Variants in PCDHA8 observed in about 807,000 individuals in gnomAD.
PCDHA8 encodes the protein protocadherin alpha 8.
PCDHA8 carries 53 observed loss-of-function variants against 61.8 expected under a neutral mutation model. The observed-to-expected ratio is 0.86, with a 90% confidence interval of 0.69 to 1.08. The LOEUF is 1.08. Ranked by LOEUF, PCDHA8 falls within the 50% of genes least tolerant of loss-of-function variation. The probability of loss-of-function intolerance (pLI) is 0.00; values close to 1 mark genes in which losing one functional copy is unlikely to be tolerated. For missense variants in PCDHA8, 1,293 were observed against 1,245.0 expected, an observed-to-expected ratio of 1.04 and a Z score of -0.58; for synonymous variants, 618 against 556.6, an observed-to-expected ratio of 1.11 and a Z score of -1.55.
chr5:140,861,578 C>A (rs1425852721), intron 1 of PCDHA8: 2 of 361,296 alleles, frequency 5.5e-6, no homozygotes, highest in Non-Finnish European at 1.1e-5. Flanking sequence ...TACAGGTTTT[C>A]CATGTGGAGG....
intron 1 of PCDHA8, chr5:140,967,964 G>T: frequency 6.2e-7 from 1 of 1,614,210 alleles, no homozygotes. Flanking sequence ...CAACCGGAAA[G>T]TGAGCCTGGG....
intron 1 of PCDHA8, among the ~76,000 whole-genome samples, chr5:140,946,700 G>T (rs2094011625): frequency 6.7e-6 from 1 of 148,322 alleles, no homozygotes; most frequent in African/African-American, 2.5e-5. Flanking sequence ...GGATGAATCT[G>T]GAGGTCATTA....
intron 1 of PCDHA8, among the ~76,000 whole-genome samples, chr5:140,891,046 C>T (rs576145840): frequency 6.6e-6 from 1 of 152,270 alleles, no homozygotes; most frequent in African/African-American, 2.4e-5. Context: ...GTGACCCCCA[C>T]AGCACATAGT....
At chr5:141,009,104 T>G (rs2098399543) in intron 3 of PCDHA8, among the ~76,000 whole-genome samples, 1 of 152,220 alleles carries the variant, frequency 6.6e-6, no homozygotes, top group Non-Finnish European at 1.5e-5. Flanking sequence ...CATATGTTAC[T>G]ATGAAACTAG....
chr5:140,845,818 A>T (rs1554141021), intron 1 of PCDHA8, among the ~76,000 whole-genome samples: 2 of 149,728 alleles, frequency 1.3e-5, no homozygotes, highest in Admixed American at 1.3e-4. Flanking sequence ...ACATAATAAA[A>T]TTTAGTTATT....
intron 1 of PCDHA8, chr5:140,851,030 T>G (rs1462203945): frequency 1.4e-6 from 2 of 1,410,502 alleles, no homozygotes; most frequent in Non-Finnish European, 1.9e-6. Context: ...AGTAAACCCC[T>G]TAACATTGGA....
At chr5:140,877,921 T>C (rs2153357057) in intron 1 of PCDHA8, 1 of 1,422,868 alleles carries the variant, frequency 7.0e-7, no homozygotes, top group South Asian at 1.6e-5. Context: ...CTCATTTTTC[T>C]TTATGATTCT....
At chr5:140,868,380 G>T (rs2050428157) in intron 1 of PCDHA8, 1 of 152,028 alleles carries the variant, frequency 6.6e-6, no homozygotes, top group South Asian at 2.1e-4. Context: ...AGTAAAGAAT[G>T]AGAACTATAG....
intron 1 of PCDHA8, among the ~76,000 whole-genome samples, chr5:140,845,293 T>A (rs1779796501): frequency 6.7e-6 from 1 of 149,672 alleles, no homozygotes; most frequent in African/African-American, 2.4e-5. Flanking sequence ...CTATCCTGTC[T>A]ATGTCTACCT....
chr5:140,884,113 G>T (rs782579609), intron 1 of PCDHA8: 15 of 1,613,390 alleles, frequency 9.3e-6, no homozygotes, highest in Admixed American at 3.3e-5. Context: ...AGCTGGCGGC[G>T]GTCGGCGCGC....
At chr5:140,960,267 C>T (rs1182915204) in intron 1 of PCDHA8, among the ~76,000 whole-genome samples, 3 of 152,266 alleles carry the variant, frequency 2.0e-5, no homozygotes, top group South Asian at 2.1e-4. Flanking sequence ...CTGATAAATT[C>T]CGTCACCTTT....
Position 140,841,286 on chromosome 5 carries a change from A to G in PCDHA8, c.-36A>G. Reference sequence around the variant, plus strand: ...AAGTACAGTCGTTCATCTTTATATTAAGATAATATTTTCTGATAGGAAACG... The same window carrying G: ...AAGTACAGTCGTTCATCTTTATATTGAGATAATATTTTCTGATAGGAAACG... On this transcript the variant is annotated 5_prime_UTR_variant, in exon 1 of 4. Transcript: ENST00000531613. 2 of 1,545,812 alleles carry G rather than the reference A, an allele frequency of 1.3e-6. No homozygotes were observed. Among genetic ancestry groups the G allele is most frequent in the Non-Finnish European group, 1.7e-6 (2 of 1,146,478 alleles).
At chr5:140,875,951 C>A (rs1292449525) in intron 1 of PCDHA8, 2 of 1,614,116 alleles carry the variant, frequency 1.2e-6, no homozygotes, top group East Asian at 2.2e-5. Flanking sequence ...GCTTCTGATG[C>A]GGATATCGGC....
At chr5:140,903,824 T>A (rs1439298617) in intron 1 of PCDHA8, among the ~76,000 whole-genome samples, 3 of 152,202 alleles carry the variant, frequency 2.0e-5, no homozygotes, top group Admixed American at 2.0e-4. Context: ...CACATGAATG[T>A]CTGTTGGTAT....
rs557419543 is a variant in PCDHA8, at chr5:140,854,019, G to A, written c.2394+10304G>A. On this transcript the variant is annotated intron_variant, in intron 1 of 3. Transcript: ENST00000531613. ...CTCTGCCAAAAAAAAAAAATTAGCCGGGCATGGTGGCACACATCTCTAGTC... is the reference window on the plus strand; with the variant it reads ...CTCTGCCAAAAAAAAAAAATTAGCCAGGCATGGTGGCACACATCTCTAGTC... 8.1e-5 allele frequency: 27 copies of A among 335,108 alleles called. No homozygotes were observed. In the South Asian group the frequency reaches 3.3e-3, roughly 41 times the overall value. 20.8% of individuals were successfully genotyped at this position (335,108 alleles called of 1,614,324 possible). A position where few individuals can be genotyped will look rare whatever the true frequency, so the allele number is the denominator to read the frequency against.
At chr5:140,912,806 T>TA (rs1378576653) in intron 1 of PCDHA8, among the ~76,000 whole-genome samples, 2 of 152,232 alleles carry the variant, frequency 1.3e-5, no homozygotes, top group African/African-American at 4.8e-5. Context: ...TGAGGGTTTT[T>TA]ATCATAAAGG....
At chr5:140,953,218 C>T (rs575250415) in intron 1 of PCDHA8, among the ~76,000 whole-genome samples, 2 of 152,272 alleles carry the variant, frequency 1.3e-5, no homozygotes, top group East Asian at 3.9e-4. Flanking sequence ...ATCTTTCTTG[C>T]TTCTGCTTGG....
chr5:140,876,738 G>C, intron 1 of PCDHA8: 2 of 1,614,264 alleles, frequency 1.2e-6, no homozygotes, highest in Non-Finnish European at 1.7e-6. Flanking sequence ...CGGCCTATGA[G>C]CTGGTGGTGA....
chr5:140,863,542 C>T, intron 1 of PCDHA8: 3 of 384,090 alleles, frequency 7.8e-6, no homozygotes, highest in South Asian at 6.2e-5. Context: ...TGGAGATGGA[C>T]TTCAATAGGA....
Sources: gnomAD v4.1 joint callset for allele counts (sites outside exome capture counted in the v4.1 genomes callset) on GRCh38, gnomAD v4.1.1 for gene constraint, MANE v1.5 for transcripts, NCBI Gene and HGNC (gene_info 2026-07-23, HGNC 2026-07-21) for gene names.